TRAPPC9: variants seen among roughly 807,000 people sequenced by gnomAD.
TRAPPC9 encodes IKK2 binding protein.
In TRAPPC9, 83 loss-of-function variants were observed where a neutral mutation model predicts 124.0. The observed-to-expected ratio is 0.67, with a 90% CI of 0.56 to 0.80. The LOEUF is 0.80. TRAPPC9 is among the 30% of genes least tolerant of loss of function. The pLI is 0.00. For synonymous variants in TRAPPC9, 638 were observed against 617.5 expected (o/e 1.03, Z -0.49); for missense variants, 1,302 against 1,508.3 (o/e 0.86, Z 2.27).
In TRAPPC9 at chr8:140,011,670, ATTTTTTTTT is replaced by A. The variant is rs56884853; in HGVS notation, c.2699+12258_2699+12266del. 2.9e-4 allele frequency among the ~76,000 whole-genome samples: 18 copies of A among 62,650 alleles called. 1 individual carries two copies. Among genetic ancestry groups the A allele is most frequent in the South Asian group, 1.5e-3 (2 of 1,304 alleles). The allele number at this position is 62,650 out of a possible 152,430, so 41.1% of individuals were successfully genotyped here. ...AGGTGCATGCCACCACACCCAGCTA[ATTTTTTTTT>A]TTTTTTTTTTTTTTTTTTGACGGAG... On this transcript the variant is annotated intron_variant, in intron 18 of 22. Transcript: ENST00000438773.
intron 13 of TRAPPC9, among the ~76,000 whole-genome samples, chr8:140,286,405 C>T (rs1243214019): frequency 6.6e-6 from 1 of 152,106 alleles, no homozygotes; most frequent in East Asian, 1.9e-4. Flanking sequence ...AGGAAGATCG[C>T]CGGGCCACAG....
chr8:139,951,840 A>T (rs1255117066), intron 19 of TRAPPC9, among the ~76,000 whole-genome samples: 1 of 152,218 alleles, frequency 6.6e-6, no homozygotes, highest in Non-Finnish European at 1.5e-5. Flanking sequence ...GTGAAGAAAA[A>T]CATGCTCTTG....
At chr8:140,359,993 A>C in intron 9 of TRAPPC9, 57 bp downstream of exon 9, 1 of 1,612,078 alleles carries the variant, frequency 6.2e-7, no homozygotes, top group Non-Finnish European at 8.5e-7. Context: ...ACCAGCATCT[A>C]AAGTGCTCTC....
chr8:140,113,414 T>C (rs2060819522), intron 17 of TRAPPC9, among the ~76,000 whole-genome samples: 2 of 152,178 alleles, frequency 1.3e-5, no homozygotes, highest in African/African-American at 4.8e-5. Context: ...ATGACACAGA[T>C]GTTTGCCATC....
At position 140,451,019 on chromosome 8, in the gene TRAPPC9, C is replaced by T. The variant is rs761866619; in HGVS notation, c.355G>A (p.Gly119Arg). Residue 119 changes from glycine to arginine, a missense_variant, in exon 2 of 23, where the codon GGG (glycine) becomes AGG (arginine). By Grantham distance (125) the Gly-to-Arg change is moderately radical. Around this residue, in one of 3 missense-constraint regions of TRAPPC9, gnomAD observed 657 missense variants for 811.2 expected, o/e 0.81. Transcript: ENST00000438773. ...TGCTCCACGATCTCCCCCTGCAGCC[C>T]GAAGACAAAGAGCCGGGAGTCATAC... ...TLYDSRLFVF[G>R]LQGEIVEQPR... 2 of 1,613,998 alleles carry T rather than the reference C, an allele frequency of 1.2e-6. No homozygotes were observed. The highest frequency in any genetic ancestry group is 1.7e-6 in the Non-Finnish European group (2 of 1,180,004).
At chr8:140,334,510 C>T (rs1386265282) in intron 9 of TRAPPC9, among the ~76,000 whole-genome samples, 4 of 151,932 alleles carry the variant, frequency 2.6e-5, no homozygotes, top group Admixed American at 6.6e-5. Context: ...ATTAGCCAGG[C>T]GTGGTGGCAC....
intron 19 of TRAPPC9, chr8:139,934,024 C>T (rs1833363928): frequency 6.6e-6 from 1 of 152,154 alleles, no homozygotes; most frequent in Admixed American, 6.5e-5. Flanking sequence ...CCATATTTCT[C>T]CATCCTTAGC....
At chr8:139,906,214 C>T (rs921432929) in intron 20 of TRAPPC9, among the ~76,000 whole-genome samples, 3 of 152,238 alleles carry the variant, frequency 2.0e-5, no homozygotes, top group African/African-American at 7.2e-5. Context: ...GATGGCTGAC[C>T]GCCCTGGGCC....
At chr8:139,998,477 G>A (rs1838182806) in intron 18 of TRAPPC9, among the ~76,000 whole-genome samples, 1 of 152,222 alleles carries the variant, frequency 6.6e-6, no homozygotes, top group African/African-American at 2.4e-5. Flanking sequence ...CCAGCACTTT[G>A]GGAGGCCAAG....
In TRAPPC9 at chr8:140,081,346, C is replaced by CATTTTTTTTTTTTTTTTTTTTTTTTT. The variant is rs35254769; in HGVS notation, c.2557-57268_2557-57267insAAAAAAAAAAAAAAAAAAAAAAAAAT. On this transcript the variant is annotated intron_variant, in intron 17 of 22. Transcript: ENST00000438773. Reference sequence around the variant, plus strand: ...GTCAAGGTGAAGAATAAAATGAATGCTTTTTTTTTTTTTTTTTGAGACAGA... The same window carrying CATTTTTTTTTTTTTTTTTTTTTTTTT: ...GTCAAGGTGAAGAATAAAATGAATGCATTTTTTTTTTTTTTTTTTTTTTTTTTTTTTTTTTTTTTTTTTGAGACAGA... Among the ~76,000 whole-genome samples the CATTTTTTTTTTTTTTTTTTTTTTTTT allele has an allele frequency of 2.1e-5, 3 of 141,050 alleles. 1 individual carries two copies. The highest frequency in any genetic ancestry group is 4.5e-5 in the Non-Finnish European group (3 of 66,052). 92.5% of individuals were successfully genotyped at this position (141,050 alleles called of 152,430 possible). A position where few individuals can be genotyped will look rare whatever the true frequency, so the allele number is the denominator to read the frequency against.
At chr8:140,457,141 G>A (rs2071700301) in intron 1 of TRAPPC9, among the ~76,000 whole-genome samples, 1 of 152,240 alleles carries the variant, frequency 6.6e-6, no homozygotes, top group African/African-American at 2.4e-5. Context: ...GGCGGGGAAA[G>A]CGCCGGGGGC....
intron 19 of TRAPPC9, among the ~76,000 whole-genome samples, chr8:139,925,427 G>A (rs139599049): frequency 2.0e-5 from 3 of 152,266 alleles, no homozygotes; most frequent in Non-Finnish European, 4.4e-5. Context: ...ATTGATCCCT[G>A]AGCAAAACAG....
chr8:140,408,596 A>G (rs146201739), intron 5 of TRAPPC9, among the ~76,000 whole-genome samples: 247 of 152,268 alleles, frequency 1.6e-3, no homozygotes, highest in Middle Eastern at 6.8e-3. Flanking sequence ...AGCCTGGGTC[A>G]CTAACATCTG....
At chr8:140,358,946 C>A (rs2067842490) in intron 9 of TRAPPC9, among the ~76,000 whole-genome samples, 1 of 152,180 alleles carries the variant, frequency 6.6e-6, no homozygotes, top group Non-Finnish European at 1.5e-5. Context: ...CGCCAGAGAT[C>A]TCTCCGACGG....
intron 17 of TRAPPC9, among the ~76,000 whole-genome samples, chr8:140,209,517 T>C (rs1412971945): frequency 1.3e-5 from 2 of 152,370 alleles, no homozygotes; most frequent in African/African-American, 2.4e-5. Flanking sequence ...ACATTTCTTA[T>C]TAAGTTTTGA....
chr8:140,271,289 T>C (rs1210114617), intron 15 of TRAPPC9, among the ~76,000 whole-genome samples: 1 of 152,182 alleles, frequency 6.6e-6, no homozygotes, highest in Non-Finnish European at 1.5e-5. Context: ...TATCATTAAA[T>C]TTCTCAAAGA....
Position 140,043,774 on chromosome 8 carries a change from C to T in TRAPPC9, c.2557-19695G>A, listed in dbSNP as rs180895977. Among the ~76,000 whole-genome samples the T allele has an allele frequency of 2.1e-3, 315 of 152,300 alleles. 3 individuals are homozygous for T. The highest frequency in any genetic ancestry group is 7.3e-3 in the African/African-American group (303 of 41,560). On this transcript the variant is annotated intron_variant, in intron 17 of 22. Transcript: ENST00000438773. ...GCTGCTGGTCCAGGGACCACACTTT[C>T]AGAACCACTGCAATGGAAATGGGGC...
chr8:140,321,685 T>G (rs2066599421), intron 9 of TRAPPC9, among the ~76,000 whole-genome samples: 1 of 152,088 alleles, frequency 6.6e-6, no homozygotes, highest in Non-Finnish European at 1.5e-5. Context: ...ACCGCCTGCA[T>G]GTAGGTGGGT....
chr8:140,409,846 T>C (rs563411395), intron 5 of TRAPPC9, among the ~76,000 whole-genome samples: 39 of 151,748 alleles, frequency 2.6e-4, no homozygotes, highest in Admixed American at 2.2e-3. Context: ...GTGGAAAGAA[T>C]AGGAGAGGCG....
Sources: gnomAD v4.1 joint callset for allele counts (sites outside exome capture counted in the v4.1 genomes callset) on GRCh38, gnomAD v4.1.1 for gene constraint, gnomAD v4.1.1 regional missense constraint, MANE v1.5 for transcripts, NCBI Gene and HGNC (gene_info 2026-07-23, HGNC 2026-07-21) for gene names.